ATP11C: variants seen among roughly 807,000 people sequenced by gnomAD.
ATP11C encodes the protein phospholipid-transporting ATPase IG.
Under a neutral mutation model 97.4 loss-of-function variants are expected in ATP11C, and 36 were observed. The observed-to-expected ratio is 0.37, with a 90% CI of 0.28 to 0.49. The LOEUF (loss-of-function observed/expected upper bound fraction) is 0.49. Among genes scored for constraint, ATP11C ranks in the 20% least tolerant of loss-of-function variants. The pLI is 0.98. For synonymous variants in ATP11C, 275 were observed against 290.9 expected (o/e 0.95, Z 0.56); for missense variants, 730 against 824.6 (o/e 0.89, Z 1.40).
chrX:139,815,805 C>T (rs758371483), intron 4 of ATP11C, among the ~76,000 whole-genome samples: 1 of 110,628 alleles, frequency 9.0e-6, no homozygotes, highest in South Asian at 3.8e-4. Flanking sequence ...ACTTTTTCCC[C>T]TCAGGTACTA....
chrX:139,915,563 G>A (rs376221487), intron 1 of ATP11C, among the ~76,000 whole-genome samples: 15 of 110,049 alleles, frequency 1.4e-4, no homozygotes, highest in East Asian at 1.1e-3. Context: ...CTAGCTACTC[G>A]GGAGGCTGAG....
intron 12 of ATP11C, among the ~76,000 whole-genome samples, chrX:139,796,000 T>C (rs762554567): frequency 9.8e-5 from 11 of 111,964 alleles, no homozygotes; most frequent in Non-Finnish European, 2.1e-4. Context: ...TCCAAAGCAA[T>C]AGCTAATAAT....
intron 12 of ATP11C, among the ~76,000 whole-genome samples, chrX:139,790,921 C>T (rs905935333): frequency 8.1e-5 from 9 of 111,150 alleles, no homozygotes; most frequent in African/African-American, 2.9e-4. Flanking sequence ...TATTTTATCT[C>T]GGTTTTTATC....
chrX:139,824,603 C>T (rs1253506099), intron 2 of ATP11C, among the ~76,000 whole-genome samples: 1 of 111,205 alleles, frequency 9.0e-6, no homozygotes, highest in Non-Finnish European at 1.9e-5. Flanking sequence ...AGGAGAATGG[C>T]GTGAACCCAG....
At chrX:139,909,304 T>C (rs1364271064) in intron 1 of ATP11C, among the ~76,000 whole-genome samples, 1 of 110,730 alleles carries the variant, frequency 9.0e-6, no homozygotes, top group Non-Finnish European at 1.9e-5. Context: ...GCTAATTTTT[T>C]TGTATTTTTA....
intron 1 of ATP11C, among the ~76,000 whole-genome samples, chrX:139,919,942 A>C (rs1603418904): frequency 8.9e-6 from 1 of 111,878 alleles, no homozygotes; most frequent in East Asian, 2.8e-4. Context: ...AAAAGAAAGG[A>C]CAAAAATGTT....
chrX:139,782,715 G>A lies in ATP11C; in HGVS notation c.1784C>T (p.Thr595Ile). 2 of 1,182,884 alleles carry A rather than the reference G, an allele frequency of 1.7e-6. No homozygotes were observed. Among genetic ancestry groups the A allele is most frequent in the South Asian group, 3.8e-5 (2 of 52,733 alleles). The change falls in exon 18 of 30, where the codon ACA becomes ATA. Residue 595 changes from threonine (T) to isoleucine (I), a missense_variant. Transcript: ENST00000682941. ...AATTTCTTTGAAGGCTACACAGAGT[G>A]TCCGATACCCATCCTAGGAGTAAAG... is the stretch of plus-strand genomic sequence containing the variant. The part of the protein sequence containing the change: ...VERNAMDGYR[T>I]LCVAFKEIAP...
intron 1 of ATP11C, among the ~76,000 whole-genome samples, chrX:139,848,741 T>C (rs1443804717): frequency 9.0e-6 from 1 of 111,139 alleles, no homozygotes; most frequent in African/African-American, 3.3e-5. Context: ...TTCCCTCTGA[T>C]CTCTGAACAC....
At chrX:139,889,514 T>C (rs1328239604) in intron 1 of ATP11C, among the ~76,000 whole-genome samples, 1 of 111,809 alleles carries the variant, frequency 8.9e-6, no homozygotes, top group Non-Finnish European at 1.9e-5. Flanking sequence ...TTATATAATT[T>C]TGTCAAAATT....
chrX:139,783,168 G>C lies in ATP11C; in HGVS notation c.1766C>G (p.Ala589Gly). The C allele has an allele frequency of 8.4e-7, 1 of 1,192,339 alleles. No homozygotes were observed. Residue 589 changes from alanine to glycine, a missense_variant, in exon 17 of 30, where the codon GCA becomes GGA. Physicochemically the swap from Ala to Gly is moderately conservative, Grantham distance 60. Transcript: ENST00000682941. ...ELTKVHVERN[A>G]MDGYRTLCVA... ...GGGGAAGGAGTATAGGCTCACCATT[G>C]CATTACGTTCCACATGGACTTTAGT...
At chrX:139,834,622 C>T (rs963185474) in intron 1 of ATP11C, among the ~76,000 whole-genome samples, 12 of 112,021 alleles carry the variant, frequency 1.1e-4, no homozygotes, top group East Asian at 2.8e-4. Flanking sequence ...AAGAAGAGCA[C>T]GACAAATATT....
At chrX:139,757,763 C>G in intron 23 of ATP11C, 45 bp downstream of exon 23, 1 of 941,215 alleles carries the variant, frequency 1.1e-6, no homozygotes, top group Non-Finnish European at 1.5e-6. Flanking sequence ...AATTTATTAA[C>G]AGCAAATGTA....
At chrX:139,734,018 T>C (rs2081396624) in intron 28 of ATP11C, among the ~76,000 whole-genome samples, 1 of 111,034 alleles carries the variant, frequency 9.0e-6, no homozygotes, top group African/African-American at 3.3e-5. Flanking sequence ...AATTTCCACA[T>C]TCCTTTGCAG....
At position 139,932,106 on chromosome X, in the gene ATP11C, C is replaced by T. The variant is rs1293986214; in HGVS notation, c.-64G>A. 2.0e-5 allele frequency: 21 copies of T among 1,059,143 alleles called. No homozygotes were observed. In the Admixed American group the frequency reaches 6.4e-4, roughly 32 times the overall value. The allele number at this position is 1,059,143 out of a possible 1,213,427, so 87.3% of individuals were successfully genotyped here. On this transcript the variant is annotated 5_prime_UTR_variant, in exon 1 of 30. In the 5' UTR this introduces an upstream ATG that the reference lacks. Coordinates refer to ENST00000682941, the MANE Select transcript of ATP11C (RefSeq NM_001353812.2). ...GGGCTGTCTGGGAAGGCGCCGTCCA[C>T]AAAACACACTGCGGCGTGGGCCGGC...
rs199593828 is a variant in ATP11C, at chrX:139,925,289, GATT to G, written c.27+6724_27+6726del. ...ATCTGTATTTATAGTAAGCATACAG[GATT>G]ATTATTATTTGAGATGGAGTTTTGC... On this transcript the variant is annotated intron_variant, in intron 1 of 29. Transcript: ENST00000682941. Among the ~76,000 whole-genome samples, 137 of 111,870 alleles carry G rather than the reference GATT, an allele frequency of 1.2e-3. 2 individuals are homozygous for G. In the East Asian group the frequency reaches 0.036, roughly 30 times the overall value.
chrX:139,734,595 A>AG (rs924130047), intron 28 of ATP11C, among the ~76,000 whole-genome samples: 3 of 111,507 alleles, frequency 2.7e-5, no homozygotes, highest in Admixed American at 1.9e-4. Context: ...GACTGTGCTT[A>AG]GGGGGGACAC....
Position 139,804,453 on chromosome X carries a change from CA to C in ATP11C, c.555+17del. On this transcript the variant is annotated intron_variant, in intron 6 of 29. Transcript: ENST00000682941. The stretch of plus-strand genomic sequence containing the variant: ...CTATCCTGAGATCAAAATGTTTAGG[CA>C]AGGTTTAGTCTGTTACCTTGCAATT... 1 of 1,187,680 alleles carries C rather than the reference CA, an allele frequency of 8.4e-7. No individual in the cohort carries two copies. Among genetic ancestry groups the C allele is most frequent in the African/African-American group, 1.7e-5 (1 of 57,277 alleles).
At position 139,853,348 on chromosome X, in the gene ATP11C, A is replaced by AG. The variant is rs1215260282; in HGVS notation, c.28-26526dup. Among the ~76,000 whole-genome samples, 8 of 107,685 alleles carry AG rather than the reference A, an allele frequency of 7.4e-5. No individual in the cohort carries two copies. In the South Asian group the frequency reaches 3.0e-3, roughly 41 times the overall value. The allele number at this position is 107,685 out of a possible 115,157, so 93.5% of individuals were successfully genotyped here. A position where few individuals can be genotyped will look rare whatever the true frequency, so the allele number is the denominator to read the frequency against. On this transcript the variant is annotated intron_variant, in intron 1 of 29. Transcript: ENST00000682941. ...AAAGAGAGAGGGGAAAGACAGAGAGAGGGGAAAGACAGAGAGGGGAAGAAA... is the reference window on the plus strand; with the variant it reads ...AAAGAGAGAGGGGAAAGACAGAGAGAGGGGGAAAGACAGAGAGGGGAAGAAA...
chrX:139,852,701 T>C (rs1472081626), intron 1 of ATP11C, among the ~76,000 whole-genome samples: 1 of 109,599 alleles, frequency 9.1e-6, no homozygotes, highest in African/African-American at 3.3e-5. Flanking sequence ...GAGTGGGTCC[T>C]CTCCATGGTT....
Sources: gnomAD v4.1 joint callset for allele counts (sites outside exome capture counted in the v4.1 genomes callset) on GRCh38, gnomAD v4.1.1 for gene constraint, MANE v1.5 for transcripts, NCBI Gene and HGNC (gene_info 2026-07-23, HGNC 2026-07-21) for gene names.